The following WNK3 variants were observed in gnomAD, a reference collection of about 807,000 sequenced individuals.
The protein encoded by WNK3 is serine/threonine-protein kinase WNK3.
Under a neutral mutation model 116.7 loss-of-function variants are expected in WNK3, and 18 were observed. The ratio of observed to expected loss-of-function variants is 0.15; its 90% CI spans 0.11 to 0.23. WNK3 has a LOEUF of 0.23. Among genes scored for constraint, WNK3 ranks in the 10% least tolerant of loss-of-function variants. WNK3 has a pLI of 1.00. For synonymous variants in WNK3, 404 were observed against 469.4 expected, an observed-to-expected ratio of 0.86 and a Z score of 1.80; for missense variants, 993 against 1,323.8, an observed-to-expected ratio of 0.75 and a Z score of 3.88.
chrX:54,356,851 A>G (rs1344040730), intron 1 of WNK3, among the ~76,000 whole-genome samples: 1 of 110,335 alleles, frequency 9.1e-6, no homozygotes, highest in Non-Finnish European at 1.9e-5. Context: ...CAAGATACGG[A>G]GATACTCACG....
intron 1 of WNK3, among the ~76,000 whole-genome samples, chrX:54,352,872 T>G (rs1378383859): frequency 8.9e-6 from 1 of 111,800 alleles, no homozygotes. Flanking sequence ...GGTATATCCA[T>G]ACAAAGGAAT....
intron 20 of WNK3, among the ~76,000 whole-genome samples, chrX:54,235,887 T>G (rs1801347705): frequency 1.8e-5 from 2 of 111,788 alleles, no homozygotes. Context: ...AGTCTTGCAG[T>G]GTAAGTTACT....
At chrX:54,237,467 A>G in exon 20 of WNK3, 2 of 1,202,770 alleles carry the variant, frequency 1.7e-6, no homozygotes, top group Non-Finnish European at 2.2e-6. Flanking sequence ...TCTTCACTAG[A>G]ATGGTTTGTC....
intron 22 of WNK3, among the ~76,000 whole-genome samples, chrX:54,217,541 C>T (rs1048314347): frequency 1.9e-5 from 2 of 107,373 alleles, no homozygotes; most frequent in African/African-American, 6.8e-5. Context: ...GGAATTGCTT[C>T]AACCCAGGAG....
chrX:54,201,012 A>G (rs1193477138), intron 23 of WNK3, among the ~76,000 whole-genome samples: 1 of 111,994 alleles, frequency 8.9e-6, no homozygotes, highest in African/African-American at 3.2e-5. Context: ...ATGACTATAC[A>G]TGTACACATA....
intron 17 of WNK3, among the ~76,000 whole-genome samples, chrX:54,245,145 CGTGTGTGT>C (rs782272022): frequency 4.5e-4 from 38 of 84,659 alleles, no homozygotes; most frequent in African/African-American, 1.0e-3. Flanking sequence ...CATATATATG[CGTGTGTGT>C]GTGTGTGTGT....
intron 10 of WNK3, among the ~76,000 whole-genome samples, chrX:54,277,138 C>T (rs782542650): frequency 9.0e-6 from 1 of 110,877 alleles, no homozygotes; most frequent in East Asian, 2.9e-4. Flanking sequence ...AAAGACTTGT[C>T]CCCCCTAAGA....
At chrX:54,301,371 G>C (rs191849067) in intron 6 of WNK3, among the ~76,000 whole-genome samples, 149 of 110,905 alleles carry the variant, frequency 1.3e-3, no homozygotes, top group African/African-American at 4.6e-3. Flanking sequence ...ACGATTTCTT[G>C]AATACATATT....
intron 13 of WNK3, among the ~76,000 whole-genome samples, chrX:54,252,149 T>C (rs1470508087): frequency 1.3e-4 from 13 of 102,851 alleles, no homozygotes; most frequent in Admixed American, 9.3e-4. Flanking sequence ...AGTGTCACAA[T>C]AGAATTCACA....
At chrX:54,355,089 T>A (rs1036993682) in intron 1 of WNK3, among the ~76,000 whole-genome samples, 5 of 110,932 alleles carry the variant, frequency 4.5e-5, no homozygotes, top group African/African-American at 1.6e-4. Flanking sequence ...CTCTAAAAAA[T>A]AATAATAATA....
At chrX:54,202,265 G>C in intron 22 of WNK3, 72 bp from the exon 23 acceptor site, 1 of 1,004,691 alleles carries the variant, frequency 1.0e-6, no homozygotes, top group Admixed American at 2.8e-5. Context: ...ATAACTCTTT[G>C]GCCAACAAAG....
At chrX:54,270,007 G>C (rs1374685196) in intron 10 of WNK3, among the ~76,000 whole-genome samples, 6 of 111,699 alleles carry the variant, frequency 5.4e-5, no homozygotes, top group African/African-American at 1.9e-4. Flanking sequence ...CAAAAGTTTT[G>C]TTTTTGAGAG....
chrX:54,240,692 G>A (rs2068013352), intron 17 of WNK3, among the ~76,000 whole-genome samples: 2 of 111,635 alleles, frequency 1.8e-5, no homozygotes, highest in Admixed American at 9.6e-5. Context: ...GCTGATACGG[G>A]CAGCAGGAGA....
At chrX:54,196,260 T>G (rs1167620937) in exon 24 of WNK3, 1 of 111,221 alleles carries the variant, frequency 9.0e-6, no homozygotes, top group Non-Finnish European at 1.9e-5. Context: ...TTGGAAAGAC[T>G]CATACAAAAC....
At chrX:54,202,246 G>T (rs781969494) in intron 22 of WNK3, 53 bp from the exon 23 acceptor site, 238 of 1,076,625 alleles carry the variant, frequency 2.2e-4, no homozygotes, top group Non-Finnish European at 2.7e-4. Flanking sequence ...AATTAAAACT[G>T]ATAATCAGAT....
In WNK3 at chrX:54,261,642, ACAC is replaced by A. The variant is rs1363800468; in HGVS notation, c.2038-2307_2038-2305del. On this transcript the variant is annotated intron_variant, in intron 10 of 23. Transcript: ENST00000354646. ...TTTCTGTACACAAACACACACACAC[ACAC>A]ACGTTTTTAATGTAATCATAATGTA... 4.5e-5 allele frequency among the ~76,000 whole-genome samples: 5 copies of A among 111,838 alleles called. No individual in the cohort carries two copies. The Admixed American group carries it at 4.8e-4, about 11-fold the overall frequency.
intron 22 of WNK3, among the ~76,000 whole-genome samples, chrX:54,205,481 T>C (rs1245086608): frequency 1.8e-5 from 2 of 109,351 alleles, no homozygotes; most frequent in East Asian, 5.8e-4. Flanking sequence ...GAGGAAAAAA[T>C]AATTAACAAA....
At chrX:54,307,759 C>T (rs2068842789) in intron 5 of WNK3, among the ~76,000 whole-genome samples, 163 bp downstream of exon 5, 1 of 111,309 alleles carries the variant, frequency 9.0e-6, no homozygotes, top group Non-Finnish European at 1.9e-5. Flanking sequence ...TCCAATGAAG[C>T]ATAGTCATAT....
chrX:54,351,893 C>T (rs1004575946), intron 1 of WNK3, among the ~76,000 whole-genome samples: 6 of 111,613 alleles, frequency 5.4e-5, no homozygotes, highest in Non-Finnish European at 1.1e-4. Context: ...GCCTGGGTGA[C>T]AGAGTGAGAC....
Sources: allele counts gnomAD v4.1 joint callset (sites outside exome capture counted in the v4.1 genomes callset), GRCh38; gene constraint gnomAD v4.1.1; transcripts MANE v1.5; gene names NCBI Gene and HGNC (gene_info 2026-07-23, HGNC 2026-07-21).